The following TULP4 variants were observed in gnomAD, a reference collection of about 807,000 sequenced individuals.
The protein encoded by TULP4 is tubby-related protein 4.
In TULP4, 16 loss-of-function variants were observed where a neutral mutation model predicts 129.0. The observed-to-expected ratio is 0.12, with a 90% CI of 0.08 to 0.19. The LOEUF is 0.19. Among genes scored for constraint, TULP4 ranks in the 10% least tolerant of loss-of-function variants. The probability of loss-of-function intolerance (pLI) is 1.00; values close to 1 mark genes in which losing one functional copy is unlikely to be tolerated. For missense variants in TULP4, 1,842 were observed against 2,059.1 expected, an observed-to-expected ratio of 0.89 and a Z score of 2.04; for synonymous variants, 998 against 854.0, an observed-to-expected ratio of 1.17 and a Z score of -2.94.
rs765498716 is a variant in TULP4 at position 158,501,999 on chromosome 6, C to T, written c.2336C>T (p.Pro779Leu). ...CCTCCACTGTCCCTGCCTCCCCCGC[C>T]GCAGGGGCCCATGCAGCTGTCCACG... ...NPPPLSLPPP[P>L]QGPMQLSTVG... is the part of the protein sequence containing the mutation. The change falls in exon 13 of 14, where the codon CCG (proline) becomes CTG (leucine). Residue 779 changes from proline to leucine, a missense_variant. By Grantham distance (98) the Pro-to-Leu change is moderately conservative. This residue lies in a region of TULP4 where 1,089 missense variants were observed against 987.1 expected (regional missense o/e 1.10). Coordinates refer to ENST00000367097, the MANE Select transcript of TULP4 (RefSeq NM_020245.5). 3.5e-5 allele frequency: 57 copies of T among 1,613,740 alleles called. No homozygotes were observed. The highest frequency in any genetic ancestry group is 3.3e-4 in the Middle Eastern group (2 of 6,084).
At chr6:158,238,318 GA>G (rs1777761492) in intron 1 of TULP4, 1 of 897,418 alleles carries the variant, frequency 1.1e-6, no homozygotes, top group Non-Finnish European at 1.8e-6. Flanking sequence ...TAACATAGGT[GA>G]GAGATGCTCG....
intron 11 of TULP4, among the ~76,000 whole-genome samples, chr6:158,496,418 G>T (rs1337060476): frequency 6.6e-6 from 1 of 152,206 alleles, no homozygotes; most frequent in East Asian, 1.9e-4. Flanking sequence ...AAATAGTGCT[G>T]CATTTGAGTT....
In TULP4 at chr6:158,503,641, C is replaced by A; in HGVS notation, c.3978C>A (p.Val1326=). 1.2e-6 allele frequency: 2 copies of A among 1,614,036 alleles called. No individual in the cohort carries two copies. Among genetic ancestry groups the A allele is most frequent in the Non-Finnish European group, 1.7e-6 (2 of 1,180,020 alleles). ...QEVLSLTESP[V]PQRTEKFGKK... is the part of the protein sequence containing the mutation. The stretch of plus-strand genomic sequence containing the variant: ...TCCTCTCCCTGACCGAAAGCCCAGT[C>A]CCCCAGCGGACAGAAAAATTTGGAA... The change falls in exon 13 of 14, where the codon GTC becomes GTA. Residue 1326 remains valine, a synonymous_variant. Transcript: ENST00000367097. This position sits in a 1 kb window ranked among gnomAD's most constrained non-coding sequence, Gnocchi z 4.3.
intron 1 of TULP4, among the ~76,000 whole-genome samples, chr6:158,266,830 C>T (rs981849502): frequency 1.3e-5 from 2 of 152,106 alleles, no homozygotes. Flanking sequence ...CAACCCCCAT[C>T]GATATTGAGG....
At chr6:158,288,518 TAAG>T (rs937995871) in intron 1 of TULP4, among the ~76,000 whole-genome samples, 3 of 151,774 alleles carry the variant, frequency 2.0e-5, no homozygotes, top group African/African-American at 4.8e-5. Flanking sequence ...TTTTTTTTTT[TAAG>T]AAGGAGTCTC....
At chr6:158,453,495 A>G (rs1779212650) in intron 5 of TULP4, among the ~76,000 whole-genome samples, 1 of 141,734 alleles carries the variant, frequency 7.1e-6, no homozygotes, top group Non-Finnish European at 1.5e-5. Context: ...CAAAAAAAAA[A>G]AAAAAAAAAA....
chr6:158,468,495 A>G (rs190645614), intron 6 of TULP4, among the ~76,000 whole-genome samples: 2 of 152,306 alleles, frequency 1.3e-5, no homozygotes, highest in Admixed American at 1.3e-4. Flanking sequence ...CTTATTTGCC[A>G]TTTATATTAT....
chr6:158,358,190 G>A (rs1005783960), intron 1 of TULP4, among the ~76,000 whole-genome samples: 6 of 152,228 alleles, frequency 3.9e-5, no homozygotes, highest in African/African-American at 7.2e-5. Context: ...CCATGCAGGG[G>A]TGCAAGTGGA....
intron 5 of TULP4, among the ~76,000 whole-genome samples, chr6:158,459,579 T>TC (rs1779375901): frequency 6.6e-6 from 1 of 151,840 alleles, no homozygotes; most frequent in Non-Finnish European, 1.5e-5. Context: ...GCATCATAGG[T>TC]CAGCTCTGCA....
chr6:158,257,870 T>G (rs759400738), intron 1 of TULP4, among the ~76,000 whole-genome samples: 8 of 152,156 alleles, frequency 5.3e-5, no homozygotes, highest in Non-Finnish European at 1.0e-4. Context: ...GCTGGAGGAG[T>G]TAAGTCTGTG....
chr6:158,385,840 A>ATTTTTTTTTTTTTTTTT (rs1397821107), intron 1 of TULP4, among the ~76,000 whole-genome samples: 14 of 34,024 alleles, frequency 4.1e-4, no homozygotes, highest in African/African-American at 1.3e-3. Context: ...AATGTGGAAT[A>ATTTTTTTTTTTTTTTTT]TCTTTTTTTT....
At chr6:158,268,993 TTGTCACCCA>T (rs952318841) in intron 1 of TULP4, among the ~76,000 whole-genome samples, 1 of 152,206 alleles carries the variant, frequency 6.6e-6, no homozygotes, top group Non-Finnish European at 1.5e-5. Context: ...TGGAGAGTGC[TTGTCACCCA>T]TGTCCACACC....
At chr6:158,372,449 T>C (rs1427347436) in intron 1 of TULP4, among the ~76,000 whole-genome samples, 2 of 152,096 alleles carry the variant, frequency 1.3e-5, no homozygotes, top group Non-Finnish European at 2.9e-5. Flanking sequence ...AATATCATTG[T>C]TGATTTTGTG....
upstream of TULP4, among the ~76,000 whole-genome samples, chr6:158,278,052 G>A (rs966716228): frequency 6.6e-6 from 1 of 152,178 alleles, no homozygotes; most frequent in Admixed American, 6.5e-5. Flanking sequence ...CTCAGCATAG[G>A]TGGAGGTGAA....
At chr6:158,366,971 A>G (rs948673588) in intron 1 of TULP4, among the ~76,000 whole-genome samples, 1 of 152,258 alleles carries the variant, frequency 6.6e-6, no homozygotes, top group Admixed American at 6.5e-5. Flanking sequence ...AAGATGTCCA[A>G]AGTATTGTGG....
At position 158,402,715 on chromosome 6, in the gene TULP4, G is replaced by GC. The variant is rs1236747200; in HGVS notation, c.253-10349dup. 4.8e-4 allele frequency among the ~76,000 whole-genome samples: 73 copies of GC among 152,298 alleles called. 1 individual carries two copies. The highest frequency in any genetic ancestry group is 1.6e-3 in the African/African-American group (68 of 41,570). Reference sequence around the variant, plus strand: ...ATGCCATATTAAAGGTCTGAACTAAGCTGTTAGCTTTCAAGCCTTAAGTTT... The same window carrying GC: ...ATGCCATATTAAAGGTCTGAACTAAGCCTGTTAGCTTTCAAGCCTTAAGTTT... On this transcript the variant is annotated intron_variant, in intron 1 of 13. Transcript: ENST00000367097.
chr6:158,244,590 A>G (rs1309085990), intron 1 of TULP4, among the ~76,000 whole-genome samples: 1 of 152,194 alleles, frequency 6.6e-6, no homozygotes, highest in Admixed American at 6.5e-5. Context: ...ATGTGAGCAC[A>G]CAGCAGGATG....
chr6:158,297,289 G>A (rs952652787), intron 1 of TULP4, among the ~76,000 whole-genome samples: 7 of 152,044 alleles, frequency 4.6e-5, no homozygotes, highest in African/African-American at 7.2e-5. Context: ...GCCTGACCCC[G>A]CAGGCAGTCA....
intron 1 of TULP4, among the ~76,000 whole-genome samples, chr6:158,243,083 G>A (rs375729045): frequency 3.3e-5 from 5 of 152,078 alleles, no homozygotes; most frequent in African/African-American, 4.8e-5. Context: ...CACCGCACCC[G>A]GCCTATCATG....
Sources: allele counts gnomAD v4.1 joint callset (sites outside exome capture counted in the v4.1 genomes callset), GRCh38; gene constraint gnomAD v4.1.1; regional missense constraint gnomAD v4.1.1; non-coding constraint Gnocchi (gnomAD v3.1); transcripts MANE v1.5; gene names NCBI Gene and HGNC (gene_info 2026-07-23, HGNC 2026-07-21).